STX16: variants seen among roughly 807,000 people sequenced by gnomAD.
STX16 encodes the protein syntaxin 16.
STX16 carries 28 observed loss-of-function variants against 42.7 expected under a neutral mutation model. That is an observed-to-expected ratio of 0.66 (90% CI 0.49 to 0.90). The LOEUF is 0.90. Among genes scored for constraint, STX16 ranks in the 40% least tolerant of loss-of-function variants. The pLI, the probability that STX16 is intolerant of heterozygous loss-of-function variation, is 0.00. For synonymous variants in STX16, 156 were observed against 155.2 expected, an observed-to-expected ratio of 1.00 and a Z score of -0.04; for missense variants, 361 against 420.9, an observed-to-expected ratio of 0.86 and a Z score of 1.24.
chr20:58,667,622 C>T, intron 3 of STX16, 25 bp downstream of exon 3: 2 of 1,581,884 alleles, frequency 1.3e-6, no homozygotes, highest in Middle Eastern at 1.7e-4. Flanking sequence ...AGTTTCATAG[C>T]ATCTTGTTTT....
intron 2 of STX16, among the ~76,000 whole-genome samples, chr20:58,664,936 T>C (rs2083782476): frequency 6.6e-6 from 1 of 152,244 alleles, no homozygotes; most frequent in African/African-American, 2.4e-5. Context: ...CTAGGACCCA[T>C]GAAGAGGTCC....
In STX16 at chr20:58,670,622, A is replaced by G. The variant is rs753675930; in HGVS notation, c.648+19A>G. The G allele has an allele frequency of 6.2e-7, 1 of 1,602,648 alleles. No individual in the cohort carries two copies. The highest frequency in any genetic ancestry group is 8.5e-7 in the Non-Finnish European group (1 of 1,169,610). ...CCATCGGGTACGTGAACGGGCTGCAAAGCTGATTGCTGTGTCTGTGCACCC... is the reference window on the plus strand; with the variant it reads ...CCATCGGGTACGTGAACGGGCTGCAGAGCTGATTGCTGTGTCTGTGCACCC... On this transcript the variant is annotated intron_variant, in intron 6 of 8. Coordinates refer to ENST00000371141, the MANE Select transcript of STX16 (RefSeq NM_001001433.3).
In STX16 at chr20:58,668,136, T is replaced by C. The variant is rs1450331962; in HGVS notation, c.393+9T>C. 1.9e-6 allele frequency: 3 copies of C among 1,613,700 alleles called. No individual in the cohort carries two copies. Among genetic ancestry groups the C allele is most frequent in the South Asian group, 1.1e-5 (1 of 91,050 alleles). On this transcript the variant is annotated intron_variant, in intron 4 of 8. Transcript: ENST00000371141. ...CCCAAGAGATCACTCAGGTGAGGAG[T>C]GCAAGTGAGTCCTGGGGAAACCAGC...
At chr20:58,669,517 T>C (rs2083921143) in intron 5 of STX16, 64 bp downstream of exon 5, 1 of 1,532,608 alleles carries the variant, frequency 6.5e-7, no homozygotes, top group Non-Finnish European at 8.7e-7. Flanking sequence ...GTTTTCTTTT[T>C]TGCCACTATT....
rs2122913115 is a variant in STX16 at position 58,657,281 on chromosome 20, T to C, written c.133-2342T>C. On this transcript the variant is annotated intron_variant, in intron 1 of 8. Transcript: ENST00000371141. The surrounding 1 kb of genome is among the most constrained non-coding windows in gnomAD (Gnocchi z 4.2). ...CTTTAGAATCCAAGTATGAAATCAT[T>C]ATATATTTCTCTTTAGATCTACTTG... Among the ~76,000 whole-genome samples, 1 of 152,336 alleles carries C rather than the reference T, an allele frequency of 6.6e-6. No individual in the cohort carries two copies. The highest frequency in any genetic ancestry group is 1.5e-5 in the Non-Finnish European group (1 of 68,038).
intron 2 of STX16, among the ~76,000 whole-genome samples, chr20:58,661,759 C>T (rs1402812994): frequency 1.3e-5 from 2 of 152,194 alleles, no homozygotes; most frequent in Non-Finnish European, 2.9e-5. Context: ...TGTCCAGAGG[C>T]TTCTTTGAAG....
chr20:58,672,943 C>G (rs892483943), intron 7 of STX16, among the ~76,000 whole-genome samples: 10 of 152,164 alleles, frequency 6.6e-5, no homozygotes, highest in Non-Finnish European at 1.0e-4. Context: ...CTGGAAGATC[C>G]AGTTACATTA....
intron 2 of STX16, among the ~76,000 whole-genome samples, chr20:58,661,582 T>C (rs2083700543): frequency 6.6e-6 from 1 of 152,270 alleles, no homozygotes; most frequent in South Asian, 2.1e-4. Context: ...GCCGTTATCT[T>C]TTTCATGAAG....
At position 58,671,472 on chromosome 20, in the gene STX16, G is replaced by GTA. The variant is rs1555843149; in HGVS notation, c.792+179_792+180dup. ...TGTGTGTGTGTGTGTGTGTGTGTGT[G>GTA]TATATTAATATTAATCAAATATTAA... On this transcript the variant is annotated intron_variant, in intron 7 of 8. Transcript: ENST00000371141. 9.0e-4 allele frequency among the ~76,000 whole-genome samples: 88 copies of GTA among 98,110 alleles called. No individual in the cohort carries two copies. In the Middle Eastern group the frequency reaches 0.016, roughly 18 times the overall value. 64.4% of individuals were successfully genotyped at this position (98,110 alleles called of 152,430 possible).
chr20:58,661,367 C>T (rs1202159647), intron 2 of STX16, among the ~76,000 whole-genome samples: 1 of 152,224 alleles, frequency 6.6e-6, no homozygotes, highest in Non-Finnish European at 1.5e-5. Context: ...CTTGGCAGGC[C>T]CTTTTGCTTT....
intron 1 of STX16, 97 bp downstream of exon 1, chr20:58,652,235 G>A: frequency 6.6e-7 from 1 of 1,508,020 alleles, no homozygotes; most frequent in Non-Finnish European, 9.1e-7. Flanking sequence ...AAAAAGAGAA[G>A]ATAAGAATAA....
At chr20:58,653,321 A>G (rs2083515583) in intron 1 of STX16, among the ~76,000 whole-genome samples, 1 of 152,190 alleles carries the variant, frequency 6.6e-6, no homozygotes, top group Non-Finnish European at 1.5e-5. Flanking sequence ...CATGATTATC[A>G]TGTCTACAAA....
chr20:58,651,939 G>A lies in STX16; in HGVS notation c.-68G>A. 1 of 1,554,786 alleles carries A rather than the reference G, an allele frequency of 6.4e-7. No individual in the cohort carries two copies. Among genetic ancestry groups the A allele is most frequent in the South Asian group, 1.1e-5 (1 of 88,722 alleles). On this transcript the variant is annotated 5_prime_UTR_variant, in exon 1 of 9. Coordinates refer to ENST00000371141, the MANE Select transcript of STX16 (RefSeq NM_001001433.3). The stretch of plus-strand genomic sequence containing the variant: ...GGTGGGCCAGCCGGGCCACGAGAAA[G>A]AAAGTGAATAAATCAGGAATATAAG...
chr20:58,673,402 ACTT>A (rs1171170054), intron 7 of STX16, among the ~76,000 whole-genome samples: 1 of 152,128 alleles, frequency 6.6e-6, no homozygotes, highest in Non-Finnish European at 1.5e-5. Flanking sequence ...GTCTGTCAGT[ACTT>A]CTTTCTCGTG....
intron 5 of STX16, 105 bp from the exon 6 acceptor site, chr20:58,670,407 C>T: frequency 1.1e-6 from 1 of 872,358 alleles, no homozygotes; most frequent in Non-Finnish European, 1.8e-6. Flanking sequence ...AAGAATATCT[C>T]AATTTTGACT....
rs768662591 is a variant in STX16 at position 58,667,644 on chromosome 20, A to G, written c.252+47A>G. On this transcript the variant is annotated intron_variant, in intron 3 of 8. Transcript: ENST00000371141. ...TAGCATCTTGTTTTTTTAAGTAATT[A>G]TGACAATGTATTTTAAGATATCTGT... is the stretch of plus-strand genomic sequence containing the variant. 32 of 1,495,316 alleles carry G rather than the reference A, an allele frequency of 2.1e-5. No individual in the cohort carries two copies. The East Asian group carries it at 4.3e-4, about 20-fold the overall frequency. The allele number at this position is 1,495,316 out of a possible 1,614,324, so 92.6% of individuals were successfully genotyped here.
intron 7 of STX16, 53 bp downstream of exon 7, chr20:58,671,350 C>G: frequency 6.5e-7 from 1 of 1,532,286 alleles, no homozygotes; most frequent in Non-Finnish European, 8.8e-7. Context: ...ACTATCTGTA[C>G]CTTCTTTTTC....
rs960434917 is a variant in STX16, at chr20:58,669,315, G to C, written c.418G>C (p.Val140Leu). 1.2e-6 allele frequency: 2 copies of C among 1,611,590 alleles called. No individual in the cohort carries two copies. The highest frequency in any genetic ancestry group is 2.2e-5 in the East Asian group (1 of 44,844). The part of the protein sequence containing the change: ...TQLFHRCQRA[V>L]QALPSRARAC... ...GCTCTTCCACAGGTGCCAGCGTGCC[G>C]TGCAGGCCCTGCCGAGCCGGGCCCG... The change falls in exon 5 of 9, where the codon GTG becomes CTG. Residue 140 changes from valine (V) to leucine (L), a missense_variant. Val to Leu is a conservative substitution (Grantham distance 32). Coordinates refer to ENST00000371141, the MANE Select transcript of STX16 (RefSeq NM_001001433.3).
chr20:58,669,781 G>A (rs2083927574), intron 5 of STX16, among the ~76,000 whole-genome samples: 1 of 152,174 alleles, frequency 6.6e-6, no homozygotes, highest in African/African-American at 2.4e-5. Flanking sequence ...GGATGTTGGG[G>A]TTTGGGAGAG....
Sources: allele counts gnomAD v4.1 joint callset (sites outside exome capture counted in the v4.1 genomes callset), GRCh38; gene constraint gnomAD v4.1.1; non-coding constraint Gnocchi (gnomAD v3.1); transcripts MANE v1.5; gene names NCBI Gene and HGNC (gene_info 2026-07-23, HGNC 2026-07-21).